The following ADAMTSL3 variants were observed in gnomAD, a reference collection of about 807,000 sequenced individuals.
The protein encoded by ADAMTSL3 is ADAMTS like 3.
ADAMTSL3 carries 128 observed loss-of-function variants against 201.7 expected under a neutral mutation model. The ratio of observed to expected loss-of-function variants is 0.63; its 90% CI spans 0.55 to 0.73. The LOEUF is 0.73. Among genes scored for constraint, ADAMTSL3 ranks in the 30% least tolerant of loss-of-function variants. The pLI, the probability that ADAMTSL3 is intolerant of heterozygous loss-of-function variation, is 0.00. For missense variants in ADAMTSL3, 1,990 were observed against 2,119.6 expected (o/e 0.94, Z 1.20); for synonymous variants, 738 against 748.4 (o/e 0.99, Z 0.23).
intron 19 of ADAMTSL3, among the ~76,000 whole-genome samples, chr15:83,964,629 C>A (rs760188294): frequency 4.6e-5 from 7 of 152,114 alleles, no homozygotes; most frequent in Non-Finnish European, 1.0e-4. Flanking sequence ...ACTTCTCCAA[C>A]ATAGCAAGAA....
At chr15:83,786,025 A>G (rs533291175) in intron 4 of ADAMTSL3, among the ~76,000 whole-genome samples, 1 of 152,060 alleles carries the variant, frequency 6.6e-6, no homozygotes, top group African/African-American at 2.4e-5. Flanking sequence ...TGTTTTTAGT[A>G]GAGATGGGGT....
chr15:83,965,086 T>TATGAA (rs1190863198), intron 19 of ADAMTSL3, among the ~76,000 whole-genome samples: 1 of 152,014 alleles, frequency 6.6e-6, no homozygotes, highest in Non-Finnish European at 1.5e-5. Context: ...TTGTAAAGAC[T>TATGAA]GTCAACACTA....
At chr15:83,960,101 G>T (rs1348292157) in intron 19 of ADAMTSL3, among the ~76,000 whole-genome samples, 3 of 151,960 alleles carry the variant, frequency 2.0e-5, no homozygotes, top group Non-Finnish European at 4.4e-5. Context: ...ATATGGTAAT[G>T]GTAATTTAAA....
rs1596037204 is a variant in ADAMTSL3 at position 83,693,418 on chromosome 15, G to C, written c.70-10971G>C. Among the ~76,000 whole-genome samples, 4 of 152,284 alleles carry C rather than the reference G, an allele frequency of 2.6e-5. No individual in the cohort carries two copies. The South Asian group carries it at 8.3e-4, about 32-fold the overall frequency. ...AGGCTGGAGCTGGAGGGCTGTGGAG[G>C]CAGAGTACTTGGACCAAGGAGGAAA... On this transcript the variant is annotated intron_variant, in intron 2 of 29. Transcript: ENST00000286744.
chr15:83,729,393 G>T (rs530647087), intron 3 of ADAMTSL3, among the ~76,000 whole-genome samples: 3 of 151,880 alleles, frequency 2.0e-5, no homozygotes, highest in Admixed American at 2.0e-4. Flanking sequence ...ACTCTTAGAT[G>T]TCCCCTGTTG....
chr15:83,677,208 T>G (rs1386622022), intron 2 of ADAMTSL3, among the ~76,000 whole-genome samples: 7 of 152,100 alleles, frequency 4.6e-5, no homozygotes, highest in Non-Finnish European at 8.8e-5. Flanking sequence ...TCTGTTTTGG[T>G]GAATGTTCCA....
At chr15:83,767,624 T>A (rs1319618880) in intron 3 of ADAMTSL3, among the ~76,000 whole-genome samples, 1 of 152,174 alleles carries the variant, frequency 6.6e-6, no homozygotes, top group Non-Finnish European at 1.5e-5. Context: ...GTGGAGCTGC[T>A]ACATACCGCT....
intron 2 of ADAMTSL3, among the ~76,000 whole-genome samples, chr15:83,691,465 T>G (rs1324050883): frequency 1.3e-5 from 2 of 152,164 alleles, no homozygotes; most frequent in Non-Finnish European, 2.9e-5. Flanking sequence ...CAAGCCTGGC[T>G]CCCTTTTGAA....
At chr15:83,837,960 A>G in intron 6 of ADAMTSL3, 129 bp from the exon 7 acceptor site, 1 of 1,125,092 alleles carries the variant, frequency 8.9e-7, no homozygotes, top group Non-Finnish European at 1.2e-6. Flanking sequence ...GATTTATAAA[A>G]CTATGTTCTC....
At chr15:83,913,743 C>T (rs2065978083) in intron 16 of ADAMTSL3, among the ~76,000 whole-genome samples, 1 of 152,198 alleles carries the variant, frequency 6.6e-6, no homozygotes. Context: ...TCTGATGCAA[C>T]TCTAGATCAG....
At chr15:83,679,660 T>C (rs2061451662) in intron 2 of ADAMTSL3, among the ~76,000 whole-genome samples, 2 of 152,178 alleles carry the variant, frequency 1.3e-5, no homozygotes, top group Non-Finnish European at 2.9e-5. Flanking sequence ...TTCTGGTCAG[T>C]TTCATGTGTG....
intron 15 of ADAMTSL3, among the ~76,000 whole-genome samples, chr15:83,912,425 ATAGG>A (rs1396018253): frequency 2.6e-5 from 4 of 152,216 alleles, no homozygotes; most frequent in Admixed American, 6.5e-5. Flanking sequence ...TGTACCAAAG[ATAGG>A]TGGGCCAGAT....
intron 7 of ADAMTSL3, among the ~76,000 whole-genome samples, chr15:83,842,697 A>G (rs1313969105): frequency 2.6e-5 from 4 of 152,242 alleles, no homozygotes; most frequent in African/African-American, 9.6e-5. Flanking sequence ...GTGAAAACAG[A>G]GTGATTGTAG....
At chr15:83,673,123 C>T (rs979837993) in intron 2 of ADAMTSL3, among the ~76,000 whole-genome samples, 2 of 152,188 alleles carry the variant, frequency 1.3e-5, no homozygotes, top group Admixed American at 6.5e-5. Flanking sequence ...ATCTGGCAGG[C>T]GCTGTTCAGG....
At chr15:83,768,501 A>T (rs75020415) in intron 3 of ADAMTSL3, among the ~76,000 whole-genome samples, 2 of 152,312 alleles carry the variant, frequency 1.3e-5, no homozygotes, top group East Asian at 3.9e-4. Flanking sequence ...TCTGGACCCT[A>T]CATTTTAAGA....
intron 20 of ADAMTSL3, among the ~76,000 whole-genome samples, chr15:83,980,047 A>G (rs1024194021): frequency 1.3e-5 from 2 of 152,248 alleles, no homozygotes; most frequent in Non-Finnish European, 2.9e-5. Context: ...AATACTAACA[A>G]TAACAGGTGA....
At chr15:83,978,744 C>T (rs1183782880) in intron 20 of ADAMTSL3, among the ~76,000 whole-genome samples, 1 of 152,234 alleles carries the variant, frequency 6.6e-6, no homozygotes, top group African/African-American at 2.4e-5. Flanking sequence ...GGCACACCTG[C>T]CAGTCAAAAT....
At chr15:83,928,882 C>A (rs1363848990) in intron 17 of ADAMTSL3, among the ~76,000 whole-genome samples, 1 of 152,118 alleles carries the variant, frequency 6.6e-6, no homozygotes, top group Non-Finnish European at 1.5e-5. Flanking sequence ...CATAAAGTGG[C>A]CTTTTATGGT....
At chr15:83,678,912 T>C (rs891100459) in intron 2 of ADAMTSL3, among the ~76,000 whole-genome samples, 1 of 147,804 alleles carries the variant, frequency 6.8e-6, no homozygotes, top group Non-Finnish European at 1.5e-5. Context: ...TAAAAGGAAA[T>C]ATATATTTTA....
Sources: allele counts gnomAD v4.1 joint callset (sites outside exome capture counted in the v4.1 genomes callset), GRCh38; gene constraint gnomAD v4.1.1; transcripts MANE v1.5; gene names NCBI Gene and HGNC (gene_info 2026-07-23, HGNC 2026-07-21).